The following CPD variants were observed in gnomAD, a reference collection of about 807,000 sequenced individuals.
CPD encodes the protein carboxypeptidase D, also known as metallocarboxypeptidase D.
In CPD, 69 loss-of-function variants were observed where a neutral mutation model predicts 138.3. The ratio of observed to expected loss-of-function variants is 0.50; its 90% CI spans 0.41 to 0.61. The LOEUF is 0.61. Ranked by LOEUF, CPD falls within the 20% of genes least tolerant of loss-of-function variation. CPD has a pLI of 0.00. For synonymous variants in CPD, 651 were observed against 642.1 expected (o/e 1.01, Z -0.21); for missense variants, 1,432 against 1,733.3 (o/e 0.83, Z 3.09).
rs1404457903 is a variant in CPD at position 30,422,654 on chromosome 17, T to A, written c.1308-20T>A. 2.6e-6 allele frequency: 4 copies of A among 1,545,816 alleles called. No homozygotes were observed. The highest frequency in any genetic ancestry group is 3.5e-6 in the Non-Finnish European group (4 of 1,139,316). On this transcript the variant is annotated intron_variant, in intron 4 of 20. Transcript: ENST00000225719. ...ATGTCTTAACTATAAACCATTTACTTTTTCAAATTTTTTTTTCAGGTATAT... is the reference window on the plus strand; with the variant it reads ...ATGTCTTAACTATAAACCATTTACTATTTCAAATTTTTTTTTCAGGTATAT...
intron 2 of CPD, among the ~76,000 whole-genome samples, chr17:30,385,567 A>G (rs534858731): frequency 6.6e-6 from 1 of 152,110 alleles, no homozygotes; most frequent in South Asian, 2.1e-4. Context: ...ATCCAAAAGT[A>G]GGTTGCAGAT....
Position 30,379,364 on chromosome 17 carries a change from C to A in CPD, c.384C>A (p.Gly128=). The change falls in exon 1 of 21, where the codon GGC becomes GGA. Residue 128 remains glycine (G), a synonymous_variant. Coordinates refer to ENST00000225719, the MANE Select transcript of CPD (RefSeq NM_001304.5). This position sits in a 1 kb window ranked among gnomAD's most constrained non-coding sequence, Gnocchi z 7.0. ...ACGCTGCGGGGCCGCTGCTGCCCGG[C>A]CGGCCCCAGGTGAAGCTGGTGGGCA... ...GPDAAGPLLP[G]RPQVKLVGNM... 1 of 1,505,802 alleles carries A rather than the reference C, an allele frequency of 6.6e-7. No individual in the cohort carries two copies. The highest frequency in any genetic ancestry group is 8.8e-7 in the Non-Finnish European group (1 of 1,134,768). 93.3% of individuals were successfully genotyped at this position (1,505,802 alleles called of 1,614,324 possible). A position where few individuals can be genotyped will look rare whatever the true frequency, so the allele number is the denominator to read the frequency against.
chr17:30,452,592 T>A (rs1220429888), intron 14 of CPD, among the ~76,000 whole-genome samples: 1 of 148,254 alleles, frequency 6.7e-6, no homozygotes, highest in East Asian at 2.0e-4. Context: ...TCTAATGGCA[T>A]CTAGTATGCC....
Position 30,461,910 on chromosome 17 carries a change from A to G in CPD, c.3664A>G (p.Lys1222Glu), listed in dbSNP as rs748062282. The change falls in exon 19 of 21, where the codon AAG (lysine) becomes GAG (glutamate). Residue 1222 changes from lysine to glutamate, a missense_variant. By Grantham distance (56) the Lys-to-Glu change is moderately conservative. This residue lies in a region of CPD where 366 missense variants were observed against 518.8 expected (regional missense o/e 0.71). Coordinates refer to ENST00000225719, the MANE Select transcript of CPD (RefSeq NM_001304.5). ...HKGVHGFVKD[K>E]TGKPISKAVI... ...GGGAGTTCATGGATTTGTTAAAGAT[A>G]AGACTGGAAAGCCAATCTCTAAAGC... 2.9e-5 allele frequency: 46 copies of G among 1,605,262 alleles called. No individual in the cohort carries two copies. In the East Asian group the frequency reaches 9.1e-4, roughly 32 times the overall value.
At chr17:30,413,899 A>C (rs1409161842) in intron 2 of CPD, among the ~76,000 whole-genome samples, 1 of 152,182 alleles carries the variant, frequency 6.6e-6, no homozygotes, top group Non-Finnish European at 1.5e-5. Context: ...TGGAGCAGAG[A>C]GCTGGGGTTG....
chr17:30,432,540 C>G (rs942254503), intron 8 of CPD, among the ~76,000 whole-genome samples: 13 of 152,162 alleles, frequency 8.5e-5, no homozygotes, highest in African/African-American at 3.1e-4. Flanking sequence ...TTCCAAACTT[C>G]CTATGATAAA....
rs749948308 is a variant in CPD at position 30,378,963 on chromosome 17, T to A, written c.-18T>A. ...TGAGCCGCGGGAGCGGAGCCGGGGT[T>A]AGCGGCGCTGCTGGAAGATGGCGAG... On this transcript the variant is annotated 5_prime_UTR_variant, in exon 1 of 21. Coordinates refer to ENST00000225719, the MANE Select transcript of CPD (RefSeq NM_001304.5). 25 of 1,488,414 alleles carry A rather than the reference T, an allele frequency of 1.7e-5. No homozygotes were observed. Among genetic ancestry groups the A allele is most frequent in the Non-Finnish European group, 2.2e-5 (25 of 1,132,056 alleles). 92.2% of individuals were successfully genotyped at this position (1,488,414 alleles called of 1,614,324 possible).
At chr17:30,456,785 T>G in intron 17 of CPD, 1 of 318,418 alleles carries the variant, frequency 3.1e-6, no homozygotes, top group Admixed American at 4.9e-5. Context: ...GAGGTTGCAG[T>G]GAGTCGAGCC....
chr17:30,436,006 G>A (rs543002334), intron 8 of CPD, among the ~76,000 whole-genome samples: 1 of 152,242 alleles, frequency 6.6e-6, no homozygotes, highest in South Asian at 2.1e-4. Context: ...TAGGGCCCAT[G>A]CTAATCACCT....
chr17:30,396,387 C>CA (rs1183784411), intron 2 of CPD, among the ~76,000 whole-genome samples: 5 of 150,494 alleles, frequency 3.3e-5, no homozygotes, highest in Non-Finnish European at 4.4e-5. Context: ...AAAAAAAAAA[C>CA]AAAAAAAACT....
At chr17:30,401,296 C>T (rs929438803) in intron 2 of CPD, among the ~76,000 whole-genome samples, 1 of 151,720 alleles carries the variant, frequency 6.6e-6, no homozygotes, top group African/African-American at 2.4e-5. Flanking sequence ...TCCTCTTTCT[C>T]CTCTTACTCC....
intron 6 of CPD, 39 bp from the exon 7 acceptor site, chr17:30,427,352 A>G: frequency 6.3e-7 from 1 of 1,589,198 alleles, no homozygotes; most frequent in Non-Finnish European, 8.6e-7. Context: ...AATATAAGTG[A>G]ACATGGCTTA....
chr17:30,433,826 G>A (rs1452284570), intron 8 of CPD, among the ~76,000 whole-genome samples: 1 of 152,198 alleles, frequency 6.6e-6, no homozygotes, highest in African/African-American at 2.4e-5. Context: ...GTAATCTGAT[G>A]TGAGTTCACT....
At chr17:30,405,873 A>G (rs1003441798) in intron 2 of CPD, among the ~76,000 whole-genome samples, 1 of 152,082 alleles carries the variant, frequency 6.6e-6, no homozygotes, top group Non-Finnish European at 1.5e-5. Flanking sequence ...ATATTTATAA[A>G]TTAATTTGGG....
chr17:30,410,851 A>C (rs867992995), intron 2 of CPD, among the ~76,000 whole-genome samples: 1 of 152,174 alleles, frequency 6.6e-6, no homozygotes, highest in Non-Finnish European at 1.5e-5. Flanking sequence ...CATTTAGCCC[A>C]TTTACATTTA....
chr17:30,462,345 T>G, intron 19 of CPD, 25 bp from the exon 20 acceptor site: 1 of 1,586,386 alleles, frequency 6.3e-7, no homozygotes, highest in Non-Finnish European at 8.7e-7. Flanking sequence ...GAATTTGTCA[T>G]GATTCTTACA....
intron 2 of CPD, among the ~76,000 whole-genome samples, chr17:30,401,268 CCTCCTT>C (rs1326630578): frequency 2.8e-5 from 4 of 143,866 alleles, no homozygotes; most frequent in African/African-American, 5.1e-5. Context: ...TCCTTCTCCT[CCTCCTT>C]CTTCCTTCTC....
intron 12 of CPD, among the ~76,000 whole-genome samples, chr17:30,448,800 T>C (rs1356478974): frequency 6.6e-6 from 1 of 152,112 alleles, no homozygotes; most frequent in African/African-American, 2.4e-5. Context: ...TTTACAAATA[T>C]TAATTTTGAT....
At chr17:30,405,966 A>G (rs993451045) in intron 2 of CPD, among the ~76,000 whole-genome samples, 1 of 152,098 alleles carries the variant, frequency 6.6e-6, no homozygotes, top group Non-Finnish European at 1.5e-5. Flanking sequence ...GTAGCATTTT[A>G]TAATATTGAT....
Sources: allele counts gnomAD v4.1 joint callset (sites outside exome capture counted in the v4.1 genomes callset), GRCh38; gene constraint gnomAD v4.1.1; regional missense constraint gnomAD v4.1.1; non-coding constraint Gnocchi (gnomAD v3.1); transcripts MANE v1.5; gene names NCBI Gene and HGNC (gene_info 2026-07-23, HGNC 2026-07-21).